The following NUP153 variants were observed in gnomAD, a reference collection of about 807,000 sequenced individuals.
NUP153 encodes nuclear pore complex protein Nup153.
In NUP153, 27 loss-of-function variants were observed where a neutral mutation model predicts 134.6. That is an observed-to-expected ratio of 0.20 (90% CI 0.15 to 0.28). The LOEUF (loss-of-function observed/expected upper bound fraction) is 0.28, where lower values mean the gene tolerates loss of function less well. Ranked by LOEUF, NUP153 falls within the 10% of genes least tolerant of loss-of-function variation. The probability of loss-of-function intolerance (pLI) is 1.00; values close to 1 mark genes in which losing one functional copy is unlikely to be tolerated. For synonymous variants in NUP153, 640 were observed against 623.5 expected (o/e 1.03, Z -0.40); for missense variants, 1,821 against 1,731.3 (o/e 1.05, Z -0.92).
At chr6:17,622,452 G>A (rs956933583) in intron 20 of NUP153, among the ~76,000 whole-genome samples, 2 of 152,106 alleles carry the variant, frequency 1.3e-5, no homozygotes, top group African/African-American at 4.8e-5. Context: ...GCGGCAAGGT[G>A]AGACCCTGTC....
In NUP153 at chr6:17,675,189, CAA is replaced by C. The variant is rs754783799; in HGVS notation, c.723+38_723+39del. 5 of 1,596,444 alleles carry C rather than the reference CAA, an allele frequency of 3.1e-6. No individual in the cohort carries two copies. The East Asian group carries it at 1.1e-4, about 36-fold the overall frequency. The stretch of plus-strand genomic sequence containing the variant: ...AAAAAAATTATAAGCAATAAACACT[CAA>C]AACTAATGTGATTAAATCCAACCCA... On this transcript the variant is annotated intron_variant, in intron 4 of 21. Transcript: ENST00000262077. This position sits in a 1 kb window ranked among gnomAD's most constrained non-coding sequence, Gnocchi z 4.4.
intron 11 of NUP153, among the ~76,000 whole-genome samples, chr6:17,659,114 A>G (rs969075599): frequency 6.6e-6 from 1 of 152,240 alleles, no homozygotes; most frequent in African/African-American, 2.4e-5. Flanking sequence ...GAATTGGGCT[A>G]CAAAGTTTTG....
intron 17 of NUP153, 88 bp from the exon 18 acceptor site, chr6:17,629,627 T>C (rs1335155838): frequency 1.3e-5 from 16 of 1,230,812 alleles, no homozygotes; most frequent in East Asian, 9.9e-5. Context: ...CAAAGAAACA[T>C]AGGAGTAACT....
chr6:17,641,438 G>A (rs963117133), intron 14 of NUP153, among the ~76,000 whole-genome samples: 22 of 152,194 alleles, frequency 1.4e-4, no homozygotes, highest in African/African-American at 4.8e-4. Context: ...AGGAGGCTGA[G>A]GCAGGAGAAT....
Position 17,669,061 on chromosome 6 carries a change from T to C in NUP153, c.1015-33A>G, listed in dbSNP as rs1234974722. 2.9e-6 allele frequency: 4 copies of C among 1,375,988 alleles called. No individual in the cohort carries two copies. In the South Asian group the frequency reaches 5.7e-5, roughly 20 times the overall value. 85.2% of individuals were successfully genotyped at this position (1,375,988 alleles called of 1,614,324 possible). A position where few individuals can be genotyped will look rare whatever the true frequency, so the allele number is the denominator to read the frequency against. On this transcript the variant is annotated intron_variant, in intron 7 of 21. Transcript: ENST00000262077. ...AAAAAAAAAACACTATTAGAATAGA[T>C]GGGGAGTTATGAAAAATACCTTTTT...
intron 20 of NUP153, among the ~76,000 whole-genome samples, chr6:17,621,807 A>G (rs2113762667): frequency 6.6e-6 from 1 of 152,352 alleles, no homozygotes; most frequent in East Asian, 1.9e-4. Context: ...AATTTATTGT[A>G]CATTTCAAAA....
At chr6:17,626,613 T>C (rs775829088) in intron 18 of NUP153, among the ~76,000 whole-genome samples, 4 of 152,226 alleles carry the variant, frequency 2.6e-5, no homozygotes, top group Non-Finnish European at 5.9e-5. Flanking sequence ...GTGCACTAAT[T>C]TGCAATGCTG....
rs373714160 is a variant in NUP153 at position 17,647,848 on chromosome 6, T to C, written c.1591A>G (p.Ile531Val). 95 of 1,613,404 alleles carry C rather than the reference T, an allele frequency of 5.9e-5. No homozygotes were observed. The highest frequency in any genetic ancestry group is 5.6e-4 in the South Asian group (51 of 91,056). ...GSPMFKFSSP[I>V]VKSTEANVLP... ...ACATTTGCCTCAGTAGATTTTACGA[T>C]TGGAGATGAAAATTTAAACATGGGA... The change falls in exon 13 of 22, where the codon ATC becomes GTC. Residue 531 changes from isoleucine (I) to valine (V), a missense_variant. By Grantham distance (29) the Ile-to-Val change is conservative. Transcript: ENST00000262077.
At chr6:17,697,980 GT>G (rs1312155152) in intron 1 of NUP153, among the ~76,000 whole-genome samples, 3 of 151,960 alleles carry the variant, frequency 2.0e-5, no homozygotes, top group Non-Finnish European at 4.4e-5. Context: ...CTTCCTACTA[GT>G]TTTCTTGACT....
At chr6:17,699,481 CAAAAAAAA>C (rs147055009) in intron 1 of NUP153, among the ~76,000 whole-genome samples, 1 of 97,562 alleles carries the variant, frequency 1.0e-5, no homozygotes, top group Non-Finnish European at 2.0e-5. Flanking sequence ...AGACTCGTCT[CAAAAAAAA>C]AAAAAAAAGA....
At chr6:17,667,470 T>C (rs1767601525) in intron 8 of NUP153, among the ~76,000 whole-genome samples, 3 of 152,136 alleles carry the variant, frequency 2.0e-5, no homozygotes, top group South Asian at 4.1e-4. Context: ...ATCCCAGCAC[T>C]TTGGGAGGCC....
rs1768512114 is a variant in NUP153 at position 17,680,518 on chromosome 6, G to C, written c.335-4748C>G. 6.6e-6 allele frequency among the ~76,000 whole-genome samples: 1 copy of C among 152,132 alleles called. No individual in the cohort carries two copies. Among genetic ancestry groups the C allele is most frequent in the African/African-American group, 2.4e-5 (1 of 41,424 alleles). On this transcript the variant is annotated intron_variant, in intron 2 of 21. Coordinates refer to ENST00000262077, the MANE Select transcript of NUP153 (RefSeq NM_005124.4). The surrounding 1 kb of genome is among the most constrained non-coding windows in gnomAD (Gnocchi z 4.5). ...ACTTATAGAAGAAAACAGAATTTCA[G>C]GACATGAGATTTGACAATGATTTAT...
Position 17,616,134 on chromosome 6 carries a change from C to A in NUP153, c.4391G>T (p.Gly1464Val). 6.2e-7 allele frequency: 1 copy of A among 1,613,860 alleles called. No homozygotes were observed. The highest frequency in any genetic ancestry group is 8.5e-7 in the Non-Finnish European group (1 of 1,179,842). ...VFSSSGTSFS[G>V]RKIKTAVRRR... Reference sequence around the variant, plus strand: ...TCTAACAGCAGTCTTTATCTTGCGACCAGAGAATGAAGTTCCAGAAGAAGA... The same window carrying A: ...TCTAACAGCAGTCTTTATCTTGCGAACAGAGAATGAAGTTCCAGAAGAAGA... The change falls in exon 22 of 22, where the codon GGT becomes GTT. Residue 1464 changes from glycine to valine, a missense_variant. Coordinates refer to ENST00000262077, the MANE Select transcript of NUP153 (RefSeq NM_005124.4).
At chr6:17,688,274 TATC>T (rs1769062611) in intron 2 of NUP153, 119 bp downstream of exon 2, 1 of 671,102 alleles carries the variant, frequency 1.5e-6, no homozygotes, top group African/African-American at 1.8e-5. Flanking sequence ...TGAACCTGAT[TATC>T]ATCCTCTTCC....
chr6:17,668,686 T>C (rs1767703072), intron 8 of NUP153, among the ~76,000 whole-genome samples: 2 of 151,556 alleles, frequency 1.3e-5, no homozygotes, highest in Non-Finnish European at 2.9e-5. Flanking sequence ...CTACTAAAAA[T>C]ACAAAAATGA....
rs763791822 is a variant in NUP153 at position 17,637,430 on chromosome 6, A to G, written c.2187T>C (p.Asp729=). 1.4e-5 allele frequency: 23 copies of G among 1,614,146 alleles called. No homozygotes were observed. The African/African-American group carries it at 1.7e-4, about 12-fold the overall frequency. Residue 729 remains aspartate, a synonymous_variant, in exon 16 of 22, where the codon GAT becomes GAC. Transcript: ENST00000262077. ...CAGGTTTATTTTGCACTAAACAGGT[A>G]TCACAATCCCAAGTGCCTATCACTG... ...FKPVIGTWDC[D]TCLVQNKPEA...
chr6:17,645,260 AG>A (rs764176194), intron 14 of NUP153, among the ~76,000 whole-genome samples: 1 of 150,870 alleles, frequency 6.6e-6, no homozygotes, highest in Non-Finnish European at 1.5e-5. Flanking sequence ...AAAAAAAAAA[AG>A]AATTCTATGT....
At chr6:17,661,920 G>A (rs1767210270) in intron 10 of NUP153, 98 bp downstream of exon 10, 1 of 1,280,882 alleles carries the variant, frequency 7.8e-7, no homozygotes, top group East Asian at 2.3e-5. Flanking sequence ...TAAAGTTTCT[G>A]TTCTTTGATT....
intron 1 of NUP153, among the ~76,000 whole-genome samples, chr6:17,704,216 C>T (rs1479825617): frequency 6.6e-6 from 1 of 151,132 alleles, no homozygotes; most frequent in Non-Finnish European, 1.5e-5. Context: ...GGCATTAACC[C>T]GGGAGGCGGA....
Sources: gnomAD v4.1 joint callset for allele counts (sites outside exome capture counted in the v4.1 genomes callset) on GRCh38, gnomAD v4.1.1 for gene constraint, Gnocchi (gnomAD v3.1) non-coding constraint, MANE v1.5 for transcripts, NCBI Gene and HGNC (gene_info 2026-07-23, HGNC 2026-07-21) for gene names.